STX18: variants seen among roughly 807,000 people sequenced by gnomAD.
STX18 encodes the protein syntaxin-18.
STX18 carries 40 observed loss-of-function variants against 50.1 expected under a neutral mutation model. That is an observed-to-expected ratio of 0.80 (90% confidence interval 0.62 to 1.04). The LOEUF is 1.04. Among genes scored for constraint, STX18 ranks in the 50% least tolerant of loss-of-function variants. The pLI, the probability that STX18 is intolerant of heterozygous loss-of-function variation, is 0.00. For synonymous variants in STX18, 158 were observed against 151.8 expected, an observed-to-expected ratio of 1.04 and a Z score of -0.30; for missense variants, 410 against 415.8, an observed-to-expected ratio of 0.99 and a Z score of 0.12.
chr4:4,470,387 C>T (rs2108834324), intron 2 of STX18, among the ~76,000 whole-genome samples: 1 of 152,262 alleles, frequency 6.6e-6, no homozygotes, highest in South Asian at 2.1e-4. Context: ...CAGTTGAGTG[C>T]TGCTGGGCTA....
At chr4:4,438,961 AC>A (rs563327174) in intron 5 of STX18, among the ~76,000 whole-genome samples, 1 of 147,912 alleles carries the variant, frequency 6.8e-6, no homozygotes, top group Non-Finnish European at 1.5e-5. Context: ...ACACATATAT[AC>A]CCCCAACACA....
intron 7 of STX18, among the ~76,000 whole-genome samples, chr4:4,427,264 GA>G (rs1003125586): frequency 6.6e-6 from 1 of 152,234 alleles, no homozygotes; most frequent in Non-Finnish European, 1.5e-5. Context: ...GGGAAGGGCG[GA>G]AGTGCCAGGA....
chr4:4,500,440 A>G (rs1729395231), intron 1 of STX18, among the ~76,000 whole-genome samples: 1 of 152,188 alleles, frequency 6.6e-6, no homozygotes, highest in Non-Finnish European at 1.5e-5. Context: ...TAGTACATAC[A>G]TTGTATTGGG....
intron 6 of STX18, among the ~76,000 whole-genome samples, chr4:4,435,233 TA>T (rs1725715136): frequency 6.6e-6 from 1 of 152,176 alleles, no homozygotes; most frequent in Non-Finnish European, 1.5e-5. Flanking sequence ...TGTCTACTTT[TA>T]AAGACTGTAA....
chr4:4,439,486 A>G (rs1247618268), intron 5 of STX18, among the ~76,000 whole-genome samples: 1 of 142,510 alleles, frequency 7.0e-6, no homozygotes, highest in South Asian at 2.3e-4. Context: ...ATACATACAC[A>G]CACACACTCA....
At chr4:4,538,085 A>G (rs1284056278) in intron 1 of STX18, among the ~76,000 whole-genome samples, 1 of 150,544 alleles carries the variant, frequency 6.6e-6, no homozygotes, top group Non-Finnish European at 1.5e-5. Flanking sequence ...CAAAATGAAC[A>G]CAAGGTCCTT....
At chr4:4,530,175 T>C (rs971570952) in intron 1 of STX18, among the ~76,000 whole-genome samples, 1 of 152,172 alleles carries the variant, frequency 6.6e-6, no homozygotes, top group Non-Finnish European at 1.5e-5. Flanking sequence ...AAAGTAAATG[T>C]GCTCATTAAA....
At chr4:4,487,863 T>C (rs184717937) in intron 1 of STX18, among the ~76,000 whole-genome samples, 13 of 152,290 alleles carry the variant, frequency 8.5e-5, no homozygotes, top group African/African-American at 2.6e-4. Flanking sequence ...TATGTCTTCT[T>C]CACTTTGGAT....
rs745759002 is a variant in STX18 at position 4,420,024 on chromosome 4, G to T, written c.*10C>A. 6.2e-7 allele frequency: 1 copy of T among 1,606,278 alleles called. No individual in the cohort carries two copies. The highest frequency in any genetic ancestry group is 1.7e-5 in the Admixed American group (1 of 59,198). The stretch of plus-strand genomic sequence containing the variant: ...ATGAGGACTCTCGTGCTGGGCCCCC[G>T]TGGCCCTGGCTAGCTGTCGTACCAG... On this transcript the variant is annotated 3_prime_UTR_variant, in exon 11 of 11. Transcript: ENST00000306200. The surrounding 1 kb of genome is among the most constrained non-coding windows in gnomAD (Gnocchi z 4.3).
In STX18 at chr4:4,480,560, A is replaced by C. The variant is rs1014415223; in HGVS notation, c.169-8854T>G. On this transcript the variant is annotated intron_variant, in intron 1 of 10. Coordinates refer to ENST00000306200, the MANE Select transcript of STX18 (RefSeq NM_016930.4). ...ATCTTCTGAGTTTTGAATTGTTTTC[A>C]TGTCTCCCTGACATAAGCTGCTGAG... is the stretch of plus-strand genomic sequence containing the variant. 2.6e-5 allele frequency among the ~76,000 whole-genome samples: 4 copies of C among 152,332 alleles called. No individual in the cohort carries two copies. The East Asian group carries it at 7.7e-4, about 29-fold the overall frequency.
At chr4:4,513,045 C>T (rs941188257) in intron 1 of STX18, among the ~76,000 whole-genome samples, 4 of 152,018 alleles carry the variant, frequency 2.6e-5, no homozygotes, top group Non-Finnish European at 4.4e-5. Context: ...ACATATCAAA[C>T]GGACATAAGG....
At chr4:4,459,584 G>C in intron 2 of STX18, 97 bp from the exon 3 acceptor site, 2 of 853,750 alleles carry the variant, frequency 2.3e-6, no homozygotes, top group Non-Finnish European at 3.9e-6. Flanking sequence ...CTGATCAGGT[G>C]ACATTTAAGC....
intron 2 of STX18, chr4:4,462,093 T>C: frequency 2.3e-6 from 1 of 426,260 alleles, no homozygotes; most frequent in South Asian, 1.7e-5. Flanking sequence ...TGACCTAGAT[T>C]TTACCAATGA....
At position 4,526,791 on chromosome 4, in the gene STX18, A is replaced by G. The variant is rs140644540; in HGVS notation, c.168+15006T>C. ...TGAGGTCAGCCTGGGCAACATAGTG[A>G]GACTCTATCTCCAAAAAAAAAATTG... On this transcript the variant is annotated intron_variant, in intron 1 of 10. Coordinates refer to ENST00000306200, the MANE Select transcript of STX18 (RefSeq NM_016930.4). 4.8e-4 allele frequency among the ~76,000 whole-genome samples: 73 copies of G among 152,208 alleles called. No homozygotes were observed. In the East Asian group the frequency reaches 0.012, roughly 26 times the overall value.
intron 1 of STX18, among the ~76,000 whole-genome samples, chr4:4,513,420 T>C (rs570066911): frequency 1.3e-5 from 2 of 152,096 alleles, no homozygotes; most frequent in Non-Finnish European, 2.9e-5. Flanking sequence ...AACCAAAGGA[T>C]AGAGAAACAG....
intron 1 of STX18, among the ~76,000 whole-genome samples, chr4:4,524,628 G>A (rs116040503): frequency 2.5e-3 from 376 of 152,112 alleles, no homozygotes; most frequent in Middle Eastern, 0.014. Context: ...CCTTAAAGGC[G>A]CCAACACTGT....
At chr4:4,501,166 C>A (rs79585829) in intron 1 of STX18, among the ~76,000 whole-genome samples, 1 of 152,214 alleles carries the variant, frequency 6.6e-6, no homozygotes, top group Non-Finnish European at 1.5e-5. Flanking sequence ...TTTTGCTAAA[C>A]TATACCAGAG....
At chr4:4,496,853 G>A (rs1407330444) in intron 1 of STX18, among the ~76,000 whole-genome samples, 1 of 152,168 alleles carries the variant, frequency 6.6e-6, no homozygotes, top group Non-Finnish European at 1.5e-5. Flanking sequence ...AAGAACAGAT[G>A]CCTGAAATAA....
At chr4:4,513,241 G>C (rs975250677) in intron 1 of STX18, among the ~76,000 whole-genome samples, 5 of 152,134 alleles carry the variant, frequency 3.3e-5, no homozygotes, top group African/African-American at 9.7e-5. Flanking sequence ...CTGATAGAGG[G>C]GGGGACCCTC....
Sources: gnomAD v4.1 joint callset for allele counts (sites outside exome capture counted in the v4.1 genomes callset) on GRCh38, gnomAD v4.1.1 for gene constraint, Gnocchi (gnomAD v3.1) non-coding constraint, MANE v1.5 for transcripts, NCBI Gene and HGNC (gene_info 2026-07-23, HGNC 2026-07-21) for gene names.